The following PRKG1 variants were observed in gnomAD, a reference collection of about 807,000 sequenced individuals.
PRKG1 encodes the protein protein kinase cGMP-dependent 1.
A neutral mutation model predicts 88.1 loss-of-function variants in PRKG1; 35 were observed. That is an observed-to-expected ratio of 0.40 (90% CI 0.30 to 0.53). The LOEUF is 0.53. Ranked by LOEUF, PRKG1 falls within the 20% of genes least tolerant of loss-of-function variation. The probability of loss-of-function intolerance (pLI) is 0.59; values close to 1 mark genes in which losing one functional copy is unlikely to be tolerated. For synonymous variants in PRKG1, 303 were observed against 292.5 expected (o/e 1.04, Z -0.37); for missense variants, 540 against 839.8 (o/e 0.64, Z 4.41).
intron 3 of PRKG1, among the ~76,000 whole-genome samples, chr10:51,548,571 C>T (rs1842499670): frequency 6.6e-6 from 1 of 152,026 alleles, no homozygotes; most frequent in Non-Finnish European, 1.5e-5. Context: ...TTATTTTATC[C>T]TCTTTTAGCT....
intron 5 of PRKG1, among the ~76,000 whole-genome samples, chr10:52,002,432 G>A (rs1177199984): frequency 6.6e-6 from 1 of 152,066 alleles, no homozygotes; most frequent in Non-Finnish European, 1.5e-5. Context: ...ACACACTGGT[G>A]CCTCCTTTTC....
chr10:51,854,401 G>A (rs1266782320), intron 4 of PRKG1, among the ~76,000 whole-genome samples: 2 of 152,088 alleles, frequency 1.3e-5, no homozygotes, highest in African/African-American at 2.4e-5. Context: ...TCACCCAGTA[G>A]TAAAGAAGGC....
rs1043407461 is a variant in PRKG1 at position 51,357,286 on chromosome 10, G to C, written c.479-110437G>C. Among the ~76,000 whole-genome samples, 3 of 151,960 alleles carry C rather than the reference G, an allele frequency of 2.0e-5. No homozygotes were observed. In the South Asian group the frequency reaches 6.2e-4, roughly 31 times the overall value. ...AAACCCTTTGGATTAAAGGAAATCT[G>C]TTATAAATGTCTATGACCAAGGAAG... On this transcript the variant is annotated intron_variant, in intron 2 of 17. Coordinates refer to ENST00000373980, the MANE Select transcript of PRKG1 (RefSeq NM_006258.4).
intron 2 of PRKG1, among the ~76,000 whole-genome samples, chr10:51,172,368 CTA>C (rs993447923): frequency 7.2e-5 from 11 of 152,108 alleles, no homozygotes; most frequent in African/African-American, 2.6e-4. Flanking sequence ...GGAATAAAGA[CTA>C]TTTTGAAGAT....
intron 4 of PRKG1, among the ~76,000 whole-genome samples, chr10:51,818,365 T>C (rs1400879643): frequency 6.6e-6 from 1 of 152,180 alleles, no homozygotes; most frequent in Non-Finnish European, 1.5e-5. Flanking sequence ...AAACAGTTTC[T>C]ACTTAACTTC....
chr10:52,002,305 T>G (rs1459256755), intron 5 of PRKG1, among the ~76,000 whole-genome samples: 1 of 152,118 alleles, frequency 6.6e-6, no homozygotes, highest in Non-Finnish European at 1.5e-5. Context: ...TGTCTGCTTT[T>G]GTCATCACTT....
intron 3 of PRKG1, among the ~76,000 whole-genome samples, chr10:51,624,411 C>T (rs1490164864): frequency 1.3e-5 from 2 of 152,150 alleles, no homozygotes; most frequent in Non-Finnish European, 2.9e-5. Context: ...TTGTTGTTGT[C>T]GGTCTCTATA....
intron 2 of PRKG1, among the ~76,000 whole-genome samples, chr10:51,288,630 G>A (rs1321331649): frequency 6.6e-6 from 1 of 152,146 alleles, no homozygotes; most frequent in Non-Finnish European, 1.5e-5. Flanking sequence ...CTTTGACTGT[G>A]AAGATATTTG....
rs143858558 is a variant in PRKG1, at chr10:51,603,997, C to G, written c.592+136161C>G. 4.8e-3 allele frequency among the ~76,000 whole-genome samples: 736 copies of G among 152,130 alleles called. 7 individuals carry two copies. The highest frequency in any genetic ancestry group is 0.017 in the African/African-American group (700 of 41,514). ...CTAGGTGTTTACCCCACTTCTGTGT[C>G]CTTATAAGACTTTATATATTTTATT... On this transcript the variant is annotated intron_variant, in intron 3 of 17. Coordinates refer to ENST00000373980, the MANE Select transcript of PRKG1 (RefSeq NM_006258.4).
Position 51,498,667 on chromosome 10 carries a change from C to T in PRKG1, c.592+30831C>T, listed in dbSNP as rs186459736. On this transcript the variant is annotated intron_variant, in intron 3 of 17. Transcript: ENST00000373980. The stretch of plus-strand genomic sequence containing the variant: ...GTGTCTATAATCCCTGAGTAAATAA[C>T]ATACATAAGTGAAGCAAGTTTTTTG... 6.2e-4 allele frequency among the ~76,000 whole-genome samples: 95 copies of T among 152,170 alleles called. 1 individual carries two copies. The highest frequency in any genetic ancestry group is 2.3e-3 in the African/African-American group (94 of 41,526).
chr10:51,761,361 G>C (rs563540218), intron 3 of PRKG1, among the ~76,000 whole-genome samples: 10 of 152,280 alleles, frequency 6.6e-5, no homozygotes, highest in Non-Finnish European at 2.9e-5. Flanking sequence ...TTATTGTTAT[G>C]CCTATTATTG....
chr10:51,144,370 C>T (rs1845890523), intron 1 of PRKG1, among the ~76,000 whole-genome samples: 1 of 151,994 alleles, frequency 6.6e-6, no homozygotes, highest in South Asian at 2.1e-4. Flanking sequence ...CAACATTGGA[C>T]AATTTATGTA....
intron 1 of PRKG1, among the ~76,000 whole-genome samples, chr10:51,075,344 T>G (rs1301838887): frequency 1.3e-5 from 2 of 152,202 alleles, no homozygotes; most frequent in Non-Finnish European, 2.9e-5. Context: ...CTTTCTATGC[T>G]TTTGTGGCTC....
At chr10:51,130,925 GA>G (rs1845550939) in intron 1 of PRKG1, among the ~76,000 whole-genome samples, 1 of 151,594 alleles carries the variant, frequency 6.6e-6, no homozygotes, top group African/African-American at 2.4e-5. Context: ...AACAAAAAAA[GA>G]AAAAAGAAAA....
chr10:51,299,479 T>A (rs941487533), intron 2 of PRKG1: 64 of 454,778 alleles, frequency 1.4e-4, no homozygotes, highest in Non-Finnish European at 2.3e-4. Flanking sequence ...GTGCTGAGAT[T>A]GCAGGTGTGA....
chr10:51,019,592 G>A lies in PRKG1; in HGVS notation c.266+27948G>A, dbSNP rs564327683. Among the ~76,000 whole-genome samples the A allele has an allele frequency of 6.6e-5, 10 of 152,034 alleles. No individual in the cohort carries two copies. In the South Asian group the frequency reaches 1.9e-3, roughly 28 times the overall value. Reference sequence around the variant, plus strand: ...CTTCAAAACACTGGATTTGGTAATGGTTTCTTGAGGATGACACAAAATAGG... The same window carrying A: ...CTTCAAAACACTGGATTTGGTAATGATTTCTTGAGGATGACACAAAATAGG... On this transcript the variant is annotated intron_variant, in intron 1 of 17. Coordinates refer to the PRKG1 transcript ENST00000401604.
rs763921013 is a variant in PRKG1 at position 51,698,823 on chromosome 10, C to T, written c.593-105762C>T. On this transcript the variant is annotated intron_variant, in intron 3 of 17. Coordinates refer to ENST00000373980, the MANE Select transcript of PRKG1 (RefSeq NM_006258.4). Reference sequence around the variant, plus strand: ...GGAATGTCCTTCACAGGTCTTCTAGCCAAATGCTGAGGCTGAGGAGCTGGA... The same window carrying T: ...GGAATGTCCTTCACAGGTCTTCTAGTCAAATGCTGAGGCTGAGGAGCTGGA... 2.0e-5 allele frequency: 32 copies of T among 1,614,166 alleles called. No homozygotes were observed. The Admixed American group carries it at 5.3e-4, about 27-fold the overall frequency.
intron 2 of PRKG1, among the ~76,000 whole-genome samples, chr10:51,243,582 A>AT (rs1459102697): frequency 3.3e-5 from 5 of 152,034 alleles, no homozygotes. Context: ...GACATCAGCC[A>AT]TTTTTCTGTG....
chr10:51,805,102 T>C (rs1385094072), intron 4 of PRKG1, among the ~76,000 whole-genome samples: 1 of 152,118 alleles, frequency 6.6e-6, no homozygotes, highest in African/African-American at 2.4e-5. Context: ...AGACTCACAC[T>C]GTAAGGCCGA....
Sources: gnomAD v4.1 joint callset for allele counts (sites outside exome capture counted in the v4.1 genomes callset) on GRCh38, gnomAD v4.1.1 for gene constraint, MANE v1.5 for transcripts, NCBI Gene and HGNC (gene_info 2026-07-23, HGNC 2026-07-21) for gene names.